AQR: variants seen among roughly 807,000 people sequenced by gnomAD.
AQR encodes the protein RNA helicase aquarius.
In AQR, 61 loss-of-function variants were observed where a neutral mutation model predicts 180.5. The observed-to-expected ratio is 0.34, with a 90% CI of 0.28 to 0.42. The LOEUF is 0.42. AQR is among the 10% of genes least tolerant of loss of function. AQR has a pLI of 1.00. For synonymous variants in AQR, 551 were observed against 588.8 expected, an observed-to-expected ratio of 0.94 and a Z score of 0.93; for missense variants, 1,281 against 1,798.3, an observed-to-expected ratio of 0.71 and a Z score of 5.20.
intron 20 of AQR, among the ~76,000 whole-genome samples, 164 bp downstream of exon 20, chr15:34,900,458 T>C (rs1893314908): frequency 6.6e-6 from 1 of 152,196 alleles, no homozygotes; most frequent in African/African-American, 2.4e-5. Context: ...AGAAATAGAT[T>C]CAAATATAAT....
chr15:34,943,150 C>T, intron 6 of AQR: 1 of 1,611,246 alleles, frequency 6.2e-7, no homozygotes, highest in Non-Finnish European at 8.5e-7. Flanking sequence ...CATAAAGTGA[C>T]ACAGTACAAG....
At chr15:34,884,950 A>G (rs756400433) in intron 25 of AQR, among the ~76,000 whole-genome samples, 1 of 152,244 alleles carries the variant, frequency 6.6e-6, no homozygotes, top group Non-Finnish European at 1.5e-5. Context: ...AAGGCTCTTT[A>G]ATAACAAATT....
intron 32 of AQR, 126 bp downstream of exon 32, chr15:34,867,398 C>T (rs1892750247): frequency 1.4e-6 from 1 of 717,476 alleles, no homozygotes. Flanking sequence ...CAACAAAAAG[C>T]AGCAAAAGTT....
At chr15:34,896,741 T>C (rs1243133517) in intron 22 of AQR, among the ~76,000 whole-genome samples, 156 bp downstream of exon 22, 1 of 152,002 alleles carries the variant, frequency 6.6e-6, no homozygotes, top group Non-Finnish European at 1.5e-5. Flanking sequence ...CTCAGCTACT[T>C]GGGAGGCTTA....
At chr15:34,934,018 G>A (rs1160566058) in intron 10 of AQR, among the ~76,000 whole-genome samples, 5 of 152,028 alleles carry the variant, frequency 3.3e-5, no homozygotes, top group Non-Finnish European at 7.4e-5. Flanking sequence ...CTGATCAGGG[G>A]TCTGAGGTGG....
chr15:34,934,465 G>C (rs1893916186), intron 10 of AQR, 106 bp downstream of exon 10: 1 of 528,610 alleles, frequency 1.9e-6, no homozygotes, highest in African/African-American at 2.0e-5. Context: ...ATATACATAT[G>C]TATTGAAAAG....
In AQR at chr15:34,961,662, C is replaced by CAA. The variant is rs60598508; in HGVS notation, c.133-850_133-849dup. Among the ~76,000 whole-genome samples, 154 of 112,760 alleles carry CAA rather than the reference C, an allele frequency of 1.4e-3. 1 individual carries two copies. The East Asian group carries it at 0.017, about 12-fold the overall frequency. The allele number at this position is 112,760 out of a possible 152,430, so 74.0% of individuals were successfully genotyped here. A position where few individuals can be genotyped will look rare whatever the true frequency, so the allele number is the denominator to read the frequency against. ...ATTCTGACTCTGGAACTGTACATCT[C>CAA]AAAAAAAAAAAAAAAAGAAAAAAAG... On this transcript the variant is annotated intron_variant, in intron 2 of 34. Coordinates refer to ENST00000156471, the MANE Select transcript of AQR (RefSeq NM_014691.3).
chr15:34,912,694 T>C (rs887283215), intron 16 of AQR, among the ~76,000 whole-genome samples: 1 of 151,174 alleles, frequency 6.6e-6, no homozygotes, highest in African/African-American at 2.4e-5. Context: ...AACATCCCAA[T>C]GCCCATTCTT....
intron 22 of AQR, among the ~76,000 whole-genome samples, chr15:34,894,601 T>TTTTTCCTCTAGAGTTC (rs1390261173): frequency 3.9e-5 from 6 of 152,204 alleles, no homozygotes; most frequent in Non-Finnish European, 7.3e-5. Flanking sequence ...AGAGGCTATT[T>TTTTTCCTCTAGAGTTC]TTTTCCTCTA....
In AQR at chr15:34,900,767, C is replaced by A; in HGVS notation, c.2098G>T (p.Ala700Ser). Residue 700 changes from alanine to serine, a missense_variant, in exon 20 of 35, where the codon GCA becomes TCA. This residue lies in a region of AQR where 28 missense variants were observed against 75.3 expected (regional missense o/e 0.37). Transcript: ENST00000156471. ...TGATTGGGCATTTTCGAATAATGTG[C>A]ACTACTTGGGTCCCCATAACCTAAA... ...IILGYGDPSSAHYSKMPNQIA... is the reference protein window; with the variant it reads ...IILGYGDPSSSHYSKMPNQIA... The A allele has an allele frequency of 6.2e-7, 1 of 1,614,116 alleles. No homozygotes were observed. Among genetic ancestry groups the A allele is most frequent in the South Asian group, 1.1e-5 (1 of 91,078 alleles).
At chr15:34,873,734 T>C (rs1214391418) in intron 30 of AQR, 94 bp downstream of exon 30, 5 of 1,192,226 alleles carry the variant, frequency 4.2e-6, no homozygotes, top group Non-Finnish European at 5.7e-6. Context: ...CAACTTTCCT[T>C]TTCTCAACGG....
chr15:34,913,221 G>A (rs1207601742), intron 16 of AQR, among the ~76,000 whole-genome samples: 4 of 152,048 alleles, frequency 2.6e-5, no homozygotes, highest in Admixed American at 6.6e-5. Flanking sequence ...CCAAGCAACC[G>A]CTAATCTACT....
chr15:34,904,983 C>T (rs1484227107), intron 18 of AQR, among the ~76,000 whole-genome samples: 3 of 151,626 alleles, frequency 2.0e-5, no homozygotes, highest in Admixed American at 2.0e-4. Context: ...CTTCCACATT[C>T]CATACCTAGT....
rs1228604575 is a variant in AQR, at chr15:34,856,509, T to G, written c.*283A>C. ...AAAAATGTGAAGTATATATTATATA[T>G]TCATAGAAAATGATTTTAATGTAGG... is the stretch of plus-strand genomic sequence containing the variant. On this transcript the variant is annotated 3_prime_UTR_variant, in exon 35 of 35. Coordinates refer to ENST00000156471, the MANE Select transcript of AQR (RefSeq NM_014691.3). 2.4e-6 allele frequency: 1 copy of G among 415,712 alleles called. No homozygotes were observed. Among genetic ancestry groups the G allele is most frequent in the Non-Finnish European group, 4.2e-6 (1 of 235,346 alleles). 25.8% of individuals were successfully genotyped at this position (415,712 alleles called of 1,614,324 possible). A position where few individuals can be genotyped will look rare whatever the true frequency, so the allele number is the denominator to read the frequency against.
At chr15:34,964,410 G>GTA (rs1566793354) in intron 1 of AQR, 120 bp from the exon 2 acceptor site, 2 of 843,426 alleles carry the variant, frequency 2.4e-6, no homozygotes, top group East Asian at 2.7e-5. Context: ...GGGGGACAGA[G>GTA]TATATCTGAA....
chr15:34,917,543 C>CT lies in AQR; in HGVS notation c.1342+714dup, dbSNP rs947950518. On this transcript the variant is annotated intron_variant, in intron 15 of 34. Coordinates refer to ENST00000156471, the MANE Select transcript of AQR (RefSeq NM_014691.3). ...GTTTACTATCAATAAATGATAATGT[C>CT]TTTTTTTTGGTGATCATTACCTGCT... Among the ~76,000 whole-genome samples, 23 of 151,836 alleles carry CT rather than the reference C, an allele frequency of 1.5e-4. 1 individual carries two copies. Among genetic ancestry groups the CT allele is most frequent in the Admixed American group, 3.9e-4 (6 of 15,242 alleles).
intron 16 of AQR, among the ~76,000 whole-genome samples, chr15:34,910,579 T>C (rs1295663148): frequency 6.6e-6 from 1 of 152,110 alleles, no homozygotes; most frequent in East Asian, 1.9e-4. Context: ...ATATCTCCTC[T>C]CCAACCTAAG....
chr15:34,916,910 G>GA (rs1304182862), intron 15 of AQR, among the ~76,000 whole-genome samples: 1 of 137,034 alleles, frequency 7.3e-6, no homozygotes, highest in Non-Finnish European at 1.6e-5. Flanking sequence ...AAGAAAGAAA[G>GA]AAAAAAAGGG....
At chr15:34,907,575 A>T (rs1472263916) in intron 17 of AQR, among the ~76,000 whole-genome samples, 1 of 152,254 alleles carries the variant, frequency 6.6e-6, no homozygotes, top group East Asian at 1.9e-4. Flanking sequence ...TATGGCTAAT[A>T]GTACTGAAAA....
Sources: allele counts gnomAD v4.1 joint callset (sites outside exome capture counted in the v4.1 genomes callset), GRCh38; gene constraint gnomAD v4.1.1; regional missense constraint gnomAD v4.1.1; transcripts MANE v1.5; gene names NCBI Gene and HGNC (gene_info 2026-07-23, HGNC 2026-07-21).